CAV1: variants seen among roughly 807,000 people sequenced by gnomAD.
CAV1 encodes the protein caveolin-1.
Under a neutral mutation model 16.5 loss-of-function variants are expected in CAV1, and 10 were observed. The ratio of observed to expected loss-of-function variants is 0.61; its 90% CI spans 0.37 to 1.03. The LOEUF is 1.03. Ranked by LOEUF, CAV1 falls within the 50% of genes least tolerant of loss-of-function variation. The probability of loss-of-function intolerance (pLI) is 0.01; values close to 1 mark genes in which losing one functional copy is unlikely to be tolerated. For synonymous variants in CAV1, 76 were observed against 85.1 expected, an observed-to-expected ratio of 0.89 and a Z score of 0.59; for missense variants, 212 against 232.8, an observed-to-expected ratio of 0.91 and a Z score of 0.58.
chr7:116,558,932 C>T lies in CAV1; in HGVS notation c.196-14C>T. The T allele has an allele frequency of 6.3e-7, 1 of 1,595,102 alleles. No individual in the cohort carries two copies. Among genetic ancestry groups the T allele is most frequent in the Non-Finnish European group, 8.6e-7 (1 of 1,163,536 alleles). On this transcript the variant is annotated splice_polypyrimidine_tract_variant and intron_variant, in intron 2 of 2. Transcript: ENST00000341049. ...TCTATTCTGTGCTCATGTTGTGTCA[C>T]TTCTTCCTTTTAGATTGACTTTGAA...
At chr7:116,545,738 A>G (rs1037329846) in intron 2 of CAV1, among the ~76,000 whole-genome samples, 1 of 152,238 alleles carries the variant, frequency 6.6e-6, no homozygotes, top group Non-Finnish European at 1.5e-5. Context: ...CAATGGGTAG[A>G]CTGAAAATGA....
At chr7:116,551,711 T>C (rs541491032) in intron 2 of CAV1, 1 of 152,062 alleles carries the variant, frequency 6.6e-6, no homozygotes, top group Non-Finnish European at 1.5e-5. Flanking sequence ...TTTCTGTGTG[T>C]TAGGAATCAA....
At chr7:116,534,922 C>T (rs747332035) in intron 2 of CAV1, among the ~76,000 whole-genome samples, 6 of 152,128 alleles carry the variant, frequency 3.9e-5, no homozygotes, top group Non-Finnish European at 5.9e-5. Context: ...AGAATACTTG[C>T]GGGTTAGGCC....
intron 2 of CAV1, among the ~76,000 whole-genome samples, chr7:116,556,033 C>T (rs913442178): frequency 6.6e-6 from 1 of 152,180 alleles, no homozygotes; most frequent in Non-Finnish European, 1.5e-5. Context: ...CTTTCCACCC[C>T]TGGAGACCTG....
At chr7:116,552,605 A>G (rs1794185703) in intron 2 of CAV1, among the ~76,000 whole-genome samples, 1 of 152,130 alleles carries the variant, frequency 6.6e-6, no homozygotes, top group Non-Finnish European at 1.5e-5. Flanking sequence ...CATCTCTTCT[A>G]TTTCCTTGGC....
rs1215408276 is a variant in CAV1, at chr7:116,526,628, AC to A, written c.135del (p.His45GlnfsTer27). On this transcript the variant is annotated frameshift_variant, in exon 2 of 3. Transcript: ENST00000341049. LOFTEE classifies it high-confidence loss of function. ...AGCGAGAAGCAAGTGTACGACGCGC[AC>A]ACCAAGGAGATCGACCTGGTCAACC... ...ELSEKQVYDAHTKEIDLVNRD... is the reference protein window; with the variant it reads ...ELSEKQVYDAXTKEIDLVNRD... 1 of 1,614,018 alleles carries A rather than the reference AC, an allele frequency of 6.2e-7. No homozygotes were observed. Among genetic ancestry groups the A allele is most frequent in the African/African-American group, 1.3e-5 (1 of 74,912 alleles).
chr7:116,555,019 A>G lies in CAV1; in HGVS notation c.196-3927A>G, dbSNP rs1257888321. Among the ~76,000 whole-genome samples the G allele has an allele frequency of 2.0e-5, 3 of 152,176 alleles. No individual in the cohort carries two copies. The East Asian group carries it at 5.8e-4, about 29-fold the overall frequency. Reference sequence around the variant, plus strand: ...CTGTAAAATGGGAATAATGACATGCACTTCAGTGGTTTGTGGTGAAGATTA... The same window carrying G: ...CTGTAAAATGGGAATAATGACATGCGCTTCAGTGGTTTGTGGTGAAGATTA... On this transcript the variant is annotated intron_variant, in intron 2 of 2. Transcript: ENST00000341049.
intron 2 of CAV1, among the ~76,000 whole-genome samples, chr7:116,555,052 T>C (rs1794231329): frequency 6.6e-6 from 1 of 152,192 alleles, no homozygotes. Context: ...TTATTACAAA[T>C]AGAAATTAGC....
chr7:116,537,057 C>T (rs1793834918), intron 2 of CAV1, among the ~76,000 whole-genome samples: 1 of 148,110 alleles, frequency 6.8e-6, no homozygotes, highest in East Asian at 2.0e-4. Flanking sequence ...AGTCATGTCT[C>T]TTGTTGGTCA....
At chr7:116,545,689 G>A (rs1794031024) in intron 2 of CAV1, among the ~76,000 whole-genome samples, 2 of 152,244 alleles carry the variant, frequency 1.3e-5, no homozygotes, top group African/African-American at 4.8e-5. Flanking sequence ...CGCTAATGAT[G>A]TTTAAAAAGC....
At chr7:116,525,887 C>T (rs780722880) in intron 1 of CAV1, 95 of 965,616 alleles carry the variant, frequency 9.8e-5, no homozygotes, top group Admixed American at 2.8e-4. Context: ...GTGATCATCA[C>T]GGCGGATTGA....
chr7:116,559,986 C>T lies in CAV1; in HGVS notation c.*699C>T. ...ATTTTCCTTTTCAAATAGGGTCTAA[C>T]TCAGCAACTCGCTTTAGGTCAGCAG... On this transcript the variant is annotated 3_prime_UTR_variant, in exon 3 of 3. Coordinates refer to ENST00000341049, the MANE Select transcript of CAV1 (RefSeq NM_001753.5). The T allele has an allele frequency of 5.0e-6, 2 of 397,030 alleles. No homozygotes were observed. Among genetic ancestry groups the T allele is most frequent in the Non-Finnish European group, 8.9e-6 (2 of 225,334 alleles). The allele number at this position is 397,030 out of a possible 1,614,324, so 24.6% of individuals were successfully genotyped here. A position where few individuals can be genotyped will look rare whatever the true frequency, so the allele number is the denominator to read the frequency against.
chr7:116,537,361 G>A (rs985303697), intron 2 of CAV1, among the ~76,000 whole-genome samples: 17 of 152,162 alleles, frequency 1.1e-4, no homozygotes, highest in Admixed American at 3.9e-4. Flanking sequence ...GAGTGAGACA[G>A]GAGATGGGGT....
At chr7:116,527,627 C>A (rs1793594375) in intron 2 of CAV1, among the ~76,000 whole-genome samples, 1 of 152,166 alleles carries the variant, frequency 6.6e-6, no homozygotes, top group African/African-American at 2.4e-5. Flanking sequence ...ATATCATGGG[C>A]TAGAGCCATC....
At chr7:116,545,661 T>C (rs528246046) in intron 2 of CAV1, among the ~76,000 whole-genome samples, 3 of 152,360 alleles carry the variant, frequency 2.0e-5, no homozygotes, top group South Asian at 2.1e-4. Flanking sequence ...AGGAAGTGTA[T>C]TGTAGAAACT....
intron 2 of CAV1, among the ~76,000 whole-genome samples, chr7:116,547,622 G>A (rs1794076187): frequency 6.6e-6 from 1 of 152,096 alleles, no homozygotes; most frequent in African/African-American, 2.4e-5. Context: ...TTGCTTAATG[G>A]CAAAATACAA....
intron 2 of CAV1, among the ~76,000 whole-genome samples, chr7:116,528,963 G>A (rs1490455947): frequency 2.0e-5 from 3 of 152,062 alleles, no homozygotes; most frequent in Non-Finnish European, 4.4e-5. Flanking sequence ...CTGAGTAGCT[G>A]GGACTACAAG....
chr7:116,540,136 G>A (rs944613732), intron 2 of CAV1, among the ~76,000 whole-genome samples: 2 of 152,328 alleles, frequency 1.3e-5, no homozygotes, highest in South Asian at 4.1e-4. Flanking sequence ...TGTGTGCTGG[G>A]AGGTGATAAC....
intron 2 of CAV1, among the ~76,000 whole-genome samples, chr7:116,546,055 G>A (rs1562834295): frequency 2.0e-5 from 3 of 152,158 alleles, no homozygotes; most frequent in Non-Finnish European, 2.9e-5. Context: ...TGAGTGCCCC[G>A]AGTTATCCCT....
Sources: allele counts gnomAD v4.1 joint callset (sites outside exome capture counted in the v4.1 genomes callset), GRCh38; gene constraint gnomAD v4.1.1; transcripts MANE v1.5; gene names NCBI Gene and HGNC (gene_info 2026-07-23, HGNC 2026-07-21).